BSCL2: variants seen among roughly 807,000 people sequenced by gnomAD.
The protein encoded by BSCL2 is BSCL2 lipid droplet biogenesis associated, seipin.
BSCL2 carries 41 observed loss-of-function variants against 57.4 expected under a neutral mutation model. The ratio of observed to expected loss-of-function variants is 0.71; its 90% CI spans 0.56 to 0.93. The LOEUF is 0.93. BSCL2 is among the 40% of genes least tolerant of loss of function. The pLI is 0.00. For missense variants in BSCL2, 539 were observed against 586.7 expected, an observed-to-expected ratio of 0.92 and a Z score of 0.84; for synonymous variants, 237 against 227.3, an observed-to-expected ratio of 1.04 and a Z score of -0.38.
chr11:62,706,583 G>A, intron 1 of BSCL2: 2 of 467,848 alleles, frequency 4.3e-6, no homozygotes, highest in South Asian at 3.1e-5. Flanking sequence ...GCTCTCCCTT[G>A]AGACTGCAAT....
At chr11:62,693,726 C>G (rs1945372024) in intron 4 of BSCL2, among the ~76,000 whole-genome samples, 1 of 152,138 alleles carries the variant, frequency 6.6e-6, no homozygotes. Flanking sequence ...GAGAGCAGCT[C>G]CACTCTTCAC....
chr11:62,693,505 A>G (rs1945366816), intron 4 of BSCL2, among the ~76,000 whole-genome samples: 2 of 152,178 alleles, frequency 1.3e-5, no homozygotes, highest in African/African-American at 2.4e-5. Flanking sequence ...TCTCTGTCTC[A>G]AAAACAAAAA....
Position 62,696,677 on chromosome 11 carries a change from C to T in BSCL2, c.487-1966G>A, listed in dbSNP as rs897409251. Among the ~76,000 whole-genome samples, 20 of 152,154 alleles carry T rather than the reference C, an allele frequency of 1.3e-4. 1 individual carries two copies. Among genetic ancestry groups the T allele is most frequent in the African/African-American group, 3.9e-4 (16 of 41,518 alleles). ...GGCTCAGTTGATCTTCCTGTCTCAG[C>T]CTCCTGAGTAGCTGGAACTACAGGC... On this transcript the variant is annotated intron_variant, in intron 3 of 10. Transcript: ENST00000360796.
intron 1 of BSCL2, 93 bp downstream of exon 1, chr11:62,707,016 A>G: frequency 9.0e-7 from 1 of 1,116,826 alleles, no homozygotes; most frequent in Non-Finnish European, 1.3e-6. Flanking sequence ...AAATGAATGA[A>G]ATTCTTAAAA....
At position 62,692,383 on chromosome 11, in the gene BSCL2, C is replaced by T. The variant is rs1245383379; in HGVS notation, c.856G>A (p.Gly286Arg). The T allele has an allele frequency of 1.2e-6, 2 of 1,614,120 alleles. No individual in the cohort carries two copies. Among genetic ancestry groups the T allele is most frequent in the Non-Finnish European group, 1.7e-6 (2 of 1,180,020 alleles). ...CTCCAGTTGGCCCCTCACCTGAGCC[C>T]AGTGAAGTGCGCGTGGATGCGGAGG... Reference protein sequence around the residue: ...AYLRIHAHFTGLRYLLYNFPM... With the variant: ...AYLRIHAHFTRLRYLLYNFPM... The change falls in exon 6 of 11, where the codon GGG becomes AGG. Residue 286 changes from glycine to arginine, a missense_variant. Gly to Arg is a moderately radical substitution (Grantham distance 125). This residue lies in a region of BSCL2 where 248 missense variants were observed against 239.9 expected (regional missense o/e 1.03). Transcript: ENST00000360796.
Position 62,690,449 on chromosome 11 carries a change from G to A in BSCL2, c.1307C>T (p.Ser436Phe), listed in dbSNP as rs1945274960. ...NLPAPAPASA[S>F]APVLETLGSS... Reference sequence around the variant, plus strand: ...GCCCAGAGTCTCTAGGACAGGGGCAGAAGCAGAAGCAGGAGCAGGAGCAGG... The same window carrying A: ...GCCCAGAGTCTCTAGGACAGGGGCAAAAGCAGAAGCAGGAGCAGGAGCAGG... Residue 436 changes from serine (S) to phenylalanine (F), a missense_variant, in exon 11 of 11, where the codon TCT (serine) becomes TTT (phenylalanine). By Grantham distance (155) the Ser-to-Phe change is radical. Around this residue, in one of 3 missense-constraint regions of BSCL2, gnomAD observed 248 missense variants for 239.9 expected, o/e 1.03. Transcript: ENST00000360796. 7 of 1,613,988 alleles carry A rather than the reference G, an allele frequency of 4.3e-6. No individual in the cohort carries two copies. In the East Asian group the frequency reaches 6.7e-5, roughly 15 times the overall value.
chr11:62,690,482 G>T lies in BSCL2; in HGVS notation c.1274C>A (p.Ala425Asp), dbSNP rs769023011. The T allele has an allele frequency of 2.5e-6, 4 of 1,614,032 alleles. No individual in the cohort carries two copies. Among genetic ancestry groups the T allele is most frequent in the Admixed American group, 1.7e-5 (1 of 59,986 alleles). The change falls in exon 11 of 11, where the codon GCC (alanine) becomes GAC (aspartate). Residue 425 changes from alanine (A) to aspartate (D), a missense_variant. By Grantham distance (126) the Ala-to-Asp change is moderately radical. This residue lies in a region of BSCL2 where 248 missense variants were observed against 239.9 expected (regional missense o/e 1.03). Coordinates refer to ENST00000360796, the MANE Select transcript of BSCL2 (RefSeq NM_001122955.4). ...SWEDAALLTE[A>D]NLPAPAPASA... ...AGCAGGAGCAGGAGCAGGCAGGTTG[G>T]CCTCCGTCAGCAAAGCTGCATCTTC...
intron 3 of BSCL2, among the ~76,000 whole-genome samples, chr11:62,701,882 C>T (rs1231813032): frequency 6.6e-6 from 1 of 150,702 alleles, no homozygotes; most frequent in Non-Finnish European, 1.5e-5. Flanking sequence ...TGTATAGGTA[C>T]CTGAAGTACA....
upstream of BSCL2, chr11:62,707,962 CA>C: frequency 2.8e-6 from 1 of 355,500 alleles, no homozygotes; most frequent in South Asian, 3.0e-5. Flanking sequence ...CTGGAGCAGA[CA>C]GGGGTGATGT....
chr11:62,693,452 C>T (rs1473025443), intron 4 of BSCL2, among the ~76,000 whole-genome samples: 3 of 151,978 alleles, frequency 2.0e-5, no homozygotes, highest in Non-Finnish European at 4.4e-5. Context: ...TGCCGTGAGC[C>T]GAGATCACGC....
chr11:62,695,080 C>T (rs1036244218), intron 3 of BSCL2, among the ~76,000 whole-genome samples: 2 of 152,200 alleles, frequency 1.3e-5, no homozygotes, highest in Non-Finnish European at 2.9e-5. Context: ...TCCTCTCTTA[C>T]ATTATTAATC....
rs768191284 is a variant in BSCL2, at chr11:62,690,616, A to G, written c.1230T>C (p.Ser410=). 3 of 1,614,004 alleles carry G rather than the reference A, an allele frequency of 1.9e-6. No individual in the cohort carries two copies. The Admixed American group carries it at 5.0e-5, about 27-fold the overall frequency. Residue 410 remains serine, a synonymous_variant, in exon 10 of 11, where the codon AGT becomes AGC. Transcript: ENST00000360796. ...SGEEELEPEA[S]DGSGSWEDAA... is the part of the protein sequence containing the mutation. ...ACGCTGCAGGATGCCCCTCACCATC[A>G]CTGGCCTCAGGCTCTAGCTCCTCTT...
upstream of BSCL2, chr11:62,709,373 C>A (rs1411617581): frequency 1.8e-5 from 8 of 453,670 alleles, no homozygotes; most frequent in East Asian, 3.5e-4. Context: ...GAATTAAGTA[C>A]AAAAGACGCT....
At chr11:62,691,166 G>A in intron 7 of BSCL2, 25 bp from the exon 8 acceptor site, 1 of 1,614,138 alleles carries the variant, frequency 6.2e-7, no homozygotes, top group South Asian at 1.1e-5. Context: ...CTACTGAGCA[G>A]CCAGGACTGA....
At chr11:62,697,755 G>C (rs1284659068) in intron 3 of BSCL2, among the ~76,000 whole-genome samples, 7 of 145,772 alleles carry the variant, frequency 4.8e-5, no homozygotes, top group African/African-American at 1.8e-4. Flanking sequence ...GATCACACCA[G>C]TGCACTCCAG....
At chr11:62,703,356 T>G (rs1336975133) in intron 2 of BSCL2, among the ~76,000 whole-genome samples, 3 of 142,802 alleles carry the variant, frequency 2.1e-5, no homozygotes, top group Non-Finnish European at 4.6e-5. Context: ...CGTTTTTTTT[T>G]TTTTTTTTTT....
intron 3 of BSCL2, among the ~76,000 whole-genome samples, chr11:62,702,174 C>T (rs1007375383): frequency 6.6e-6 from 1 of 151,694 alleles, no homozygotes; most frequent in Non-Finnish European, 1.5e-5. Flanking sequence ...TCAAGTGATT[C>T]TCCTGCCTCA....
rs1945402732 is a variant in BSCL2 at position 62,694,639 on chromosome 11, A to T, written c.559T>A (p.Leu187Met). ...GAAATGGTGACCAAGAACATGCCCA[A>T]ATCTTGATTCACAGGGGACTCTGGC... ...ELPESPVNQD[L>M]GMFLVTISCY... is the part of the protein sequence containing the mutation. The change falls in exon 4 of 11, where the codon TTG (leucine) becomes ATG (methionine). Residue 187 changes from leucine (L) to methionine (M), a missense_variant. Physicochemically the swap from Leu to Met is conservative, Grantham distance 15. Coordinates refer to ENST00000360796, the MANE Select transcript of BSCL2 (RefSeq NM_001122955.4). The T allele has an allele frequency of 6.2e-7, 1 of 1,613,974 alleles. No individual in the cohort carries two copies. Among genetic ancestry groups the T allele is most frequent in the Admixed American group, 1.7e-5 (1 of 59,970 alleles).
chr11:62,708,912 C>T (rs1336624408), upstream of BSCL2: 2 of 846,262 alleles, frequency 2.4e-6, no homozygotes, highest in Non-Finnish European at 3.9e-6. Flanking sequence ...CCATCCCTAA[C>T]CCTTGCCTGA....
Sources: allele counts gnomAD v4.1 joint callset (sites outside exome capture counted in the v4.1 genomes callset), GRCh38; gene constraint gnomAD v4.1.1; regional missense constraint gnomAD v4.1.1; transcripts MANE v1.5; gene names NCBI Gene and HGNC (gene_info 2026-07-23, HGNC 2026-07-21).